Variants in COL11A1 observed in about 807,000 individuals in gnomAD.
COL11A1 encodes the protein collagen alpha-1(XI) chain.
A neutral mutation model predicts 265.2 loss-of-function variants in COL11A1; 74 were observed. The ratio of observed to expected loss-of-function variants is 0.28; its 90% CI spans 0.23 to 0.34. COL11A1 has a LOEUF of 0.34. Among genes scored for constraint, COL11A1 ranks in the 10% least tolerant of loss-of-function variants. The pLI, the probability that COL11A1 is intolerant of heterozygous loss-of-function variation, is 1.00. For missense variants in COL11A1, 2,165 were observed against 2,263.6 expected (o/e 0.96, Z 0.88); for synonymous variants, 816 against 727.6 (o/e 1.12, Z -1.96).
At chr1:103,085,324 C>T (rs142010795) in intron 1 of COL11A1, among the ~76,000 whole-genome samples, 2 of 152,152 alleles carry the variant, frequency 1.3e-5, no homozygotes, top group Admixed American at 6.6e-5. Flanking sequence ...ACATTCAGGA[C>T]GCAGGGCGGG....
At chr1:102,912,113 G>T (rs765524665) in intron 54 of COL11A1, 46 bp downstream of exon 54, 2 of 1,443,524 alleles carry the variant, frequency 1.4e-6, no homozygotes, top group Non-Finnish European at 1.9e-6. Context: ...TTTATCCATG[G>T]TGACTAATGA....
At chr1:102,969,852 G>A (rs931472122) in intron 37 of COL11A1, among the ~76,000 whole-genome samples, 4 of 152,102 alleles carry the variant, frequency 2.6e-5, no homozygotes, top group African/African-American at 9.7e-5. Flanking sequence ...TGCCTTTAGA[G>A]TGGAGAGATG....
intron 37 of COL11A1, among the ~76,000 whole-genome samples, chr1:102,968,347 C>T (rs982498726): frequency 9.2e-5 from 14 of 152,222 alleles, no homozygotes; most frequent in African/African-American, 2.6e-4. Context: ...ACCAATACAG[C>T]ATTTGGCACT....
rs151113285 is a variant in COL11A1, at chr1:103,095,866, A to C, written c.106+12207T>G. ...AACTCTGTATTATATAAAAGCCAAA[A>C]TCTTTCTATGTACTCTATGTGAATA... On this transcript the variant is annotated intron_variant, in intron 1 of 66. Transcript: ENST00000370096. Among the ~76,000 whole-genome samples the C allele has an allele frequency of 8.5e-5, 13 of 152,184 alleles. 1 individual carries two copies. The East Asian group carries it at 2.5e-3, about 29-fold the overall frequency.
intron 4 of COL11A1, among the ~76,000 whole-genome samples, chr1:103,033,148 G>C (rs6577342): frequency 0.94 from 142,483 of 152,180 alleles, 66,937 homozygotes; most frequent in East Asian, 1. Flanking sequence ...CAAGATTGAT[G>C]CACGTTGTAC....
chr1:102,891,136 T>G (rs1651726461), intron 57 of COL11A1, among the ~76,000 whole-genome samples: 1 of 152,084 alleles, frequency 6.6e-6, no homozygotes, highest in Non-Finnish European at 1.5e-5. Flanking sequence ...CTGATCTCAA[T>G]TCTTATTCTT....
At chr1:103,098,545 T>C (rs900224253) in intron 1 of COL11A1, among the ~76,000 whole-genome samples, 3 of 151,880 alleles carry the variant, frequency 2.0e-5, no homozygotes, top group African/African-American at 7.2e-5. Context: ...CTTGACTTTA[T>C]TGAAAATATC....
intron 37 of COL11A1, 39 bp downstream of exon 37, chr1:102,970,180 G>C (rs916521973): frequency 6.4e-7 from 1 of 1,566,936 alleles, no homozygotes; most frequent in Non-Finnish European, 8.8e-7. Flanking sequence ...TGAGGTGCTA[G>C]AGATGGAAAT....
At chr1:102,921,370 A>C in intron 48 of COL11A1, 148 bp downstream of exon 48, 1 of 602,808 alleles carries the variant, frequency 1.7e-6, no homozygotes. Context: ...TGTATAATAA[A>C]GTGGAGTGAA....
intron 54 of COL11A1, among the ~76,000 whole-genome samples, chr1:102,909,899 AAT>A (rs71778426): frequency 0.052 from 7,916 of 152,080 alleles, 276 homozygotes; most frequent in Non-Finnish European, 0.079. Context: ...ATATTTTAAA[AAT>A]ATGTTATAAT....
chr1:102,909,915 G>A (rs944379758), intron 54 of COL11A1, among the ~76,000 whole-genome samples: 2 of 151,660 alleles, frequency 1.3e-5, no homozygotes, highest in Non-Finnish European at 2.9e-5. Context: ...TTATAATAAA[G>A]AATAAAAATT....
rs1170326576 is a variant in COL11A1 at position 103,078,722 on chromosome 1, G to T, written c.424C>A (p.His142Asn). The T allele has an allele frequency of 1.2e-6, 2 of 1,613,260 alleles. No individual in the cohort carries two copies. The highest frequency in any genetic ancestry group is 1.3e-5 in the African/African-American group (1 of 74,858). The change falls in exon 3 of 67, where the codon CAC becomes AAC. Residue 142 changes from histidine (H) to asparagine (N), a missense_variant. Physicochemically the swap from His to Asn is moderately conservative, Grantham distance 68 (BLOSUM62 1). Transcript: ENST00000370096. ...TCTTCTGGGGCAGGTTTTCCAGTGT[G>T]GTCTTCAAACAGAAAAACAGGTGAT... Reference protein sequence around the residue: ...GRSPVFLFEDHTGKPAPEDYP... With the variant: ...GRSPVFLFEDNTGKPAPEDYP...
At chr1:102,895,837 A>G (rs2100902304) in intron 57 of COL11A1, among the ~76,000 whole-genome samples, 1 of 150,580 alleles carries the variant, frequency 6.6e-6, no homozygotes, top group Non-Finnish European at 1.5e-5. Flanking sequence ...TTAACATGTT[A>G]ACACTCTAAC....
intron 44 of COL11A1, among the ~76,000 whole-genome samples, chr1:102,938,187 A>C (rs1378360421): frequency 6.6e-6 from 1 of 152,150 alleles, no homozygotes; most frequent in East Asian, 1.9e-4. Context: ...GTGTTAATGT[A>C]GGCAGTAAAT....
At chr1:103,044,240 T>G (rs1446864832) in intron 4 of COL11A1, among the ~76,000 whole-genome samples, 1 of 151,864 alleles carries the variant, frequency 6.6e-6, no homozygotes, top group Non-Finnish European at 1.5e-5. Context: ...AAAGGAAAGT[T>G]GCCAAAATGC....
At chr1:103,071,136 A>T (rs2102262295) in intron 4 of COL11A1, among the ~76,000 whole-genome samples, 1 of 152,156 alleles carries the variant, frequency 6.6e-6, no homozygotes, top group African/African-American at 2.4e-5. Context: ...CTACTCAAAT[A>T]GCCATCATAT....
intron 1 of COL11A1, among the ~76,000 whole-genome samples, chr1:103,085,773 G>T (rs4908286): frequency 0.51 from 77,356 of 151,938 alleles, 22,353 homozygotes; most frequent in East Asian, 0.92. Flanking sequence ...AAGCCAATAG[G>T]ATATCTGTTT....
intron 4 of COL11A1, among the ~76,000 whole-genome samples, chr1:103,041,558 A>G (rs58975794): frequency 0.072 from 10,868 of 151,966 alleles, 938 homozygotes; most frequent in African/African-American, 0.2. Flanking sequence ...GCAATCCTCT[A>G]TAACAATGAA....
intron 54 of COL11A1, among the ~76,000 whole-genome samples, chr1:102,905,515 T>TA (rs35687179): frequency 0.52 from 73,192 of 139,932 alleles, 20,868 homozygotes; most frequent in Middle Eastern, 0.68. Context: ...CCATATAAGT[T>TA]AAAAAAAAAA....
Sources: gnomAD v4.1 joint callset for allele counts (sites outside exome capture counted in the v4.1 genomes callset) on GRCh38, gnomAD v4.1.1 for gene constraint, MANE v1.5 for transcripts, NCBI Gene and HGNC (gene_info 2026-07-23, HGNC 2026-07-21) for gene names.